The following PPP2R2C variants were observed in gnomAD, a reference collection of about 807,000 sequenced individuals.
The protein encoded by PPP2R2C is protein phosphatase 2 regulatory subunit Bgamma.
PPP2R2C carries 10 observed loss-of-function variants against 45.3 expected under a neutral mutation model. The observed-to-expected ratio is 0.22, with a 90% confidence interval of 0.14 to 0.37. The LOEUF (loss-of-function observed/expected upper bound fraction) is 0.37, where lower values mean the gene tolerates loss of function less well. Ranked by LOEUF, PPP2R2C falls within the 10% of genes least tolerant of loss-of-function variation. PPP2R2C has a pLI of 1.00. For missense variants in PPP2R2C, 308 were observed against 619.7 expected, an observed-to-expected ratio of 0.50 and a Z score of 5.34; for synonymous variants, 257 against 245.4, an observed-to-expected ratio of 1.05 and a Z score of -0.44.
At chr4:6,537,208 A>C (rs1024646710) in intron 1 of PPP2R2C, among the ~76,000 whole-genome samples, 3 of 152,176 alleles carry the variant, frequency 2.0e-5, no homozygotes, top group African/African-American at 7.2e-5. Context: ...ATCTCAAAAA[A>C]AAAAGGAAGA....
At chr4:6,490,769 C>T (rs1482600994) in intron 2 of PPP2R2C, among the ~76,000 whole-genome samples, 1 of 152,144 alleles carries the variant, frequency 6.6e-6, no homozygotes, top group African/African-American at 2.4e-5. Flanking sequence ...TCAGCCATGG[C>T]GAGAAGCCGA....
intron 1 of PPP2R2C, among the ~76,000 whole-genome samples, chr4:6,542,702 CA>C (rs10691194): frequency 0.042 from 1,144 of 26,966 alleles, 24 homozygotes; most frequent in African/African-American, 0.11. Flanking sequence ...GACTCTGTCT[CA>C]AAAAAAAAAA....
Position 6,510,993 on chromosome 4 carries a change from AC to A in PPP2R2C, c.49+24277del, listed in dbSNP as rs1560592924. Among the ~76,000 whole-genome samples the A allele has an allele frequency of 6.7e-4, 50 of 74,774 alleles. 1 individual carries two copies. The highest frequency in any genetic ancestry group is 3.2e-3 in the East Asian group (10 of 3,128). 49.1% of individuals were successfully genotyped at this position (74,774 alleles called of 152,430 possible). ...CTCCGTCTCAAACAAAAAAAAACAAACAAACAAAAAAAAAAACAGAAAATGT... is the reference window on the plus strand; with the variant it reads ...CTCCGTCTCAAACAAAAAAAAACAAAAAACAAAAAAAAAAACAGAAAATGT... On this transcript the variant is annotated intron_variant, in intron 2 of 9. Coordinates refer to the PPP2R2C transcript ENST00000506140.
At chr4:6,385,094 C>T (rs985014298) in intron 1 of PPP2R2C, among the ~76,000 whole-genome samples, 4 of 152,136 alleles carry the variant, frequency 2.6e-5, no homozygotes, top group African/African-American at 4.8e-5. Context: ...CTAAAGCTCC[C>T]GGTCACCTGT....
intron 5 of PPP2R2C, chr4:6,349,243 T>C (rs1712306241): frequency 2.0e-6 from 2 of 985,320 alleles, no homozygotes; most frequent in Non-Finnish European, 2.4e-6. Context: ...TCCCTCTGAC[T>C]CTTCAGGTGC....
At chr4:6,528,876 A>G (rs1027086086) in intron 2 of PPP2R2C, among the ~76,000 whole-genome samples, 2 of 151,998 alleles carry the variant, frequency 1.3e-5, no homozygotes, top group African/African-American at 4.8e-5. Context: ...TTACCTACCC[A>G]AATCTTATAA....
At chr4:6,512,137 A>G (rs1431542543) in intron 2 of PPP2R2C, among the ~76,000 whole-genome samples, 25 of 11,772 alleles carry the variant, frequency 2.1e-3, no homozygotes, top group Admixed American at 3.1e-3. Flanking sequence ...GGTGGTGGTG[A>G]TTATGGTGGT....
chr4:6,355,836 CAAA>C (rs71173436), intron 5 of PPP2R2C, among the ~76,000 whole-genome samples: 1 of 150,490 alleles, frequency 6.6e-6, no homozygotes, highest in Admixed American at 6.6e-5. Context: ...ACTAAAAATA[CAAA>C]AAAAATTAGC....
At chr4:6,348,836 C>T (rs1352469866) in intron 5 of PPP2R2C, 1 of 636,928 alleles carries the variant, frequency 1.6e-6, no homozygotes, top group Non-Finnish European at 2.0e-6. Context: ...TGAAGCCATT[C>T]CCCCCAGACT....
rs558001578 is a variant in PPP2R2C at position 6,349,839 on chromosome 4, C to A, written c.626-1829G>T. 8.4e-6 allele frequency: 8 copies of A among 956,854 alleles called. No homozygotes were observed. In the South Asian group the frequency reaches 3.4e-4, roughly 40 times the overall value. 59.3% of individuals were successfully genotyped at this position (956,854 alleles called of 1,614,324 possible). A position where few individuals can be genotyped will look rare whatever the true frequency, so the allele number is the denominator to read the frequency against. ...CTGGGAGGTGGATGTTGCAGTTAGC[C>A]GAGATCGCACCATTATATTCCAGCC... On this transcript the variant is annotated intron_variant, in intron 5 of 8. Transcript: ENST00000382599.
Position 6,378,147 on chromosome 4 carries a change from T to G in PPP2R2C, c.334+260A>C, listed in dbSNP as rs1330669254. Reference sequence around the variant, plus strand: ...CCTGTGTCTGGCCATGGGGAGCTTCTGAGAGGGTCTGGCATACTCACTCAT... The same window carrying G: ...CCTGTGTCTGGCCATGGGGAGCTTCGGAGAGGGTCTGGCATACTCACTCAT... On this transcript the variant is annotated intron_variant, in intron 3 of 8. Transcript: ENST00000382599. The surrounding 1 kb of genome is among the most constrained non-coding windows in gnomAD (Gnocchi z 5.2). 6.6e-6 allele frequency among the ~76,000 whole-genome samples: 1 copy of G among 152,082 alleles called. No individual in the cohort carries two copies. The highest frequency in any genetic ancestry group is 2.4e-5 in the African/African-American group (1 of 41,416).
At chr4:6,397,184 G>A (rs971313414) in intron 1 of PPP2R2C, among the ~76,000 whole-genome samples, 2 of 152,142 alleles carry the variant, frequency 1.3e-5, no homozygotes, top group African/African-American at 2.4e-5. Context: ...CAAAGCCCAC[G>A]TCCCAGTCGG....
intron 1 of PPP2R2C, among the ~76,000 whole-genome samples, chr4:6,469,103 A>C (rs1234896249): frequency 4.0e-5 from 6 of 148,682 alleles, no homozygotes; most frequent in African/African-American, 1.2e-4. Context: ...AAAAAAAAAA[A>C]AAATCCAACC....
chr4:6,359,358 T>C (rs186076233), intron 5 of PPP2R2C, among the ~76,000 whole-genome samples: 103 of 151,960 alleles, frequency 6.8e-4, no homozygotes, highest in Middle Eastern at 3.4e-3. Context: ...AGTGGGGGAA[T>C]GGAGGAGGGA....
At chr4:6,437,809 C>A (rs1406919752) in intron 1 of PPP2R2C, among the ~76,000 whole-genome samples, 2 of 152,194 alleles carry the variant, frequency 1.3e-5, no homozygotes, top group Non-Finnish European at 2.9e-5. Flanking sequence ...TTCTTTCAGA[C>A]CTAATCTCAT....
intron 5 of PPP2R2C, among the ~76,000 whole-genome samples, chr4:6,357,101 G>T (rs1184950771): frequency 6.7e-6 from 1 of 148,778 alleles, no homozygotes; most frequent in East Asian, 2.0e-4. Flanking sequence ...TGGGACCCTG[G>T]GTCCCAGCCT....
intron 1 of PPP2R2C, among the ~76,000 whole-genome samples, chr4:6,452,496 C>A (rs941102346): frequency 6.6e-6 from 1 of 152,192 alleles, no homozygotes. Context: ...CTGGCATTTG[C>A]GGCCCCAAGA....
chr4:6,504,354 T>C (rs1723154177), intron 2 of PPP2R2C, among the ~76,000 whole-genome samples: 2 of 152,144 alleles, frequency 1.3e-5, no homozygotes, highest in African/African-American at 4.8e-5. Flanking sequence ...AACAATACTC[T>C]TGGGAGTAAC....
intron 1 of PPP2R2C, chr4:6,414,069 C>CGT: frequency 1.6e-6 from 2 of 1,243,076 alleles, no homozygotes; most frequent in Non-Finnish European, 2.0e-6. Context: ...ATAAGTTTTG[C>CGT]CTGTGTATGT....
Sources: gnomAD v4.1 joint callset for allele counts (sites outside exome capture counted in the v4.1 genomes callset) on GRCh38, gnomAD v4.1.1 for gene constraint, Gnocchi (gnomAD v3.1) non-coding constraint, MANE v1.5 for transcripts, NCBI Gene and HGNC (gene_info 2026-07-23, HGNC 2026-07-21) for gene names.